The following GRID2 variants were observed in gnomAD, a reference collection of about 807,000 sequenced individuals.
GRID2 encodes glutamate ionotropic receptor delta type subunit 2.
In GRID2, 33 loss-of-function variants were observed where a neutral mutation model predicts 114.8. That is an observed-to-expected ratio of 0.29 (90% CI 0.22 to 0.38). GRID2 has a LOEUF of 0.38. GRID2 is among the 10% of genes least tolerant of loss of function. The probability of loss-of-function intolerance (pLI) is 1.00; values close to 1 mark genes in which losing one functional copy is unlikely to be tolerated. For synonymous variants in GRID2, 505 were observed against 449.9 expected (o/e 1.12, Z -1.55); for missense variants, 1,184 against 1,257.7 (o/e 0.94, Z 0.89).
intron 14 of GRID2, among the ~76,000 whole-genome samples, chr4:93,714,158 C>T (rs1023556162): frequency 5.3e-5 from 8 of 151,948 alleles, no homozygotes; most frequent in African/African-American, 1.9e-4. Context: ...TCTCATTGTT[C>T]GGTTCCCACA....
In GRID2 at chr4:92,652,959, T is replaced by C; in HGVS notation, c.244+62673T>C. 2.4e-5 allele frequency among the ~76,000 whole-genome samples: 3 copies of C among 126,898 alleles called. No homozygotes were observed. In the East Asian group the frequency reaches 8.5e-4, roughly 36 times the overall value. The allele number at this position is 126,898 out of a possible 152,430, so 83.3% of individuals were successfully genotyped here. On this transcript the variant is annotated intron_variant, in intron 2 of 15. Coordinates refer to ENST00000282020, the MANE Select transcript of GRID2 (RefSeq NM_001510.4). The stretch of plus-strand genomic sequence containing the variant: ...ATAAACATATATTTATAAATATATA[T>C]AAACATATTTATAAATACATATAAA...
chr4:93,076,005 G>C (rs924603455), intron 2 of GRID2, among the ~76,000 whole-genome samples: 2 of 142,962 alleles, frequency 1.4e-5, no homozygotes, highest in East Asian at 2.2e-4. Context: ...CTGGGTTCAC[G>C]CCATTCTCCT....
chr4:92,566,289 T>G (rs1727331366), intron 1 of GRID2, among the ~76,000 whole-genome samples: 1 of 152,010 alleles, frequency 6.6e-6, no homozygotes, highest in Non-Finnish European at 1.5e-5. Flanking sequence ...TATTTCTGTT[T>G]TTTTTTAAGA....
intron 2 of GRID2, among the ~76,000 whole-genome samples, chr4:92,635,862 T>C (rs1234296616): frequency 1.3e-5 from 2 of 152,098 alleles, no homozygotes; most frequent in Non-Finnish European, 2.9e-5. Context: ...GTCATGTAAG[T>C]ATCCATTTAA....
intron 6 of GRID2, among the ~76,000 whole-genome samples, chr4:93,223,058 ATT>A (rs1745075573): frequency 1.3e-5 from 2 of 152,128 alleles, no homozygotes; most frequent in South Asian, 4.1e-4. Flanking sequence ...GTTGTGTATT[ATT>A]TTGATTTCCC....
At chr4:92,713,044 G>A (rs749727429) in intron 2 of GRID2, among the ~76,000 whole-genome samples, 4 of 149,736 alleles carry the variant, frequency 2.7e-5, no homozygotes, top group African/African-American at 9.8e-5. Context: ...TGTGCACAAC[G>A]TGCAGATTAG....
At chr4:92,905,612 G>A (rs1466316277) in intron 2 of GRID2, among the ~76,000 whole-genome samples, 12 of 150,338 alleles carry the variant, frequency 8.0e-5, no homozygotes, top group Admixed American at 4.6e-4. Flanking sequence ...CACTTCAAAT[G>A]TAGCTCATTT....
intron 2 of GRID2, among the ~76,000 whole-genome samples, chr4:92,795,620 C>G (rs1739826035): frequency 1.3e-5 from 2 of 151,956 alleles, no homozygotes; most frequent in South Asian, 4.1e-4. Context: ...CTATACCATA[C>G]CAATCCTTCT....
intron 1 of GRID2, among the ~76,000 whole-genome samples, chr4:92,556,779 G>T (rs1433965469): frequency 6.6e-6 from 1 of 152,034 alleles, no homozygotes; most frequent in African/African-American, 2.4e-5. Flanking sequence ...TTACAACATG[G>T]CAACAGCCTC....
intron 4 of GRID2, chr4:93,166,189 TTGTAG>T (rs533872535): frequency 3.5e-4 from 53 of 152,228 alleles, no homozygotes; most frequent in Admixed American, 2.5e-3. Context: ...GAATGAAAAA[TTGTAG>T]TGGACTGTAA....
intron 14 of GRID2, among the ~76,000 whole-genome samples, chr4:93,733,509 G>A (rs926583045): frequency 2.0e-5 from 3 of 152,100 alleles, no homozygotes; most frequent in Non-Finnish European, 2.9e-5. Context: ...TTAAAATGAT[G>A]TATCTGTCTG....
intron 8 of GRID2, among the ~76,000 whole-genome samples, chr4:93,309,229 A>AT: frequency 6.6e-6 from 1 of 151,990 alleles, no homozygotes; most frequent in Non-Finnish European, 1.5e-5. Flanking sequence ...GTGCTCAATC[A>AT]TTTTTTCAAG....
At chr4:93,752,311 T>C (rs1009013571) in intron 14 of GRID2, among the ~76,000 whole-genome samples, 2 of 152,120 alleles carry the variant, frequency 1.3e-5, no homozygotes, top group African/African-American at 2.4e-5. Context: ...CAGGAAGTAA[T>C]GATAACAGAA....
chr4:93,451,505 G>C (rs1321968911), intron 10 of GRID2, among the ~76,000 whole-genome samples: 1 of 152,062 alleles, frequency 6.6e-6, no homozygotes, highest in African/African-American at 2.4e-5. Flanking sequence ...TGTTGAAGCA[G>C]GTTGGGGATA....
At chr4:92,581,068 A>T (rs899758065) in intron 1 of GRID2, among the ~76,000 whole-genome samples, 29 of 151,910 alleles carry the variant, frequency 1.9e-4, no homozygotes, top group Admixed American at 1.4e-3. Flanking sequence ...GCAACATAGC[A>T]CACAAGGTTC....
At chr4:93,775,173 G>A (rs1311228305), downstream of GRID2, among the ~76,000 whole-genome samples, 2 of 147,904 alleles carry the variant, frequency 1.4e-5, no homozygotes, top group African/African-American at 5.0e-5. Context: ...GTTCTCTATT[G>A]TTCTAAAGTT....
intron 1 of GRID2, among the ~76,000 whole-genome samples, chr4:92,496,881 T>C (rs914671053): frequency 1.3e-5 from 2 of 151,652 alleles, no homozygotes; most frequent in African/African-American, 4.8e-5. Flanking sequence ...AAAAAAAAAT[T>C]ACTTAATTTA....
chr4:92,614,522 C>G (rs914794689), intron 2 of GRID2, among the ~76,000 whole-genome samples: 2 of 151,496 alleles, frequency 1.3e-5, no homozygotes, highest in Non-Finnish European at 1.5e-5. Context: ...TTGTGGACTT[C>G]TCAAATTTCT....
chr4:92,471,476 G>A (rs2149096031), intron 1 of GRID2, among the ~76,000 whole-genome samples: 1 of 151,972 alleles, frequency 6.6e-6, no homozygotes, highest in Non-Finnish European at 1.5e-5. Context: ...TTCCCATTAT[G>A]TTTTCTCCTA....
Sources: gnomAD v4.1 joint callset for allele counts (sites outside exome capture counted in the v4.1 genomes callset) on GRCh38, gnomAD v4.1.1 for gene constraint, MANE v1.5 for transcripts, NCBI Gene and HGNC (gene_info 2026-07-23, HGNC 2026-07-21) for gene names.